NIBAN2: variants seen among roughly 807,000 people sequenced by gnomAD.
NIBAN2 encodes the protein niban apoptosis regulator 2, also known as protein Niban 2.
In NIBAN2, 36 loss-of-function variants were observed where a neutral mutation model predicts 81.8. The ratio of observed to expected loss-of-function variants is 0.44; its 90% CI spans 0.34 to 0.58. The LOEUF is 0.58. Among genes scored for constraint, NIBAN2 ranks in the 20% least tolerant of loss-of-function variants. NIBAN2 has a pLI of 0.02. For missense variants in NIBAN2, 897 were observed against 1,014.1 expected (o/e 0.88, Z 1.57); for synonymous variants, 445 against 441.6 (o/e 1.01, Z -0.10).
chr9:127,565,782 C>G (rs75998821), intron 1 of NIBAN2, among the ~76,000 whole-genome samples: 1 of 70,856 alleles, frequency 1.4e-5, no homozygotes, highest in African/African-American at 6.0e-5. Context: ...GACTCTGTCT[C>G]AAAAAAAAAA....
Position 127,517,419 on chromosome 9 carries a change from C to CAG in NIBAN2, c.706-205_706-204dup, listed in dbSNP as rs1209909050. On this transcript the variant is annotated intron_variant, in intron 6 of 13. Coordinates refer to ENST00000373312, the MANE Select transcript of NIBAN2 (RefSeq NM_022833.4). The surrounding 1 kb of genome is among the most constrained non-coding windows in gnomAD (Gnocchi z 4.0). ...CTGCCTGGGTGTCCTGTAGGATCCT[C>CAG]AGACTCAAGGGCCAGCCCCAGGGCC... 1.3e-5 allele frequency among the ~76,000 whole-genome samples: 2 copies of CAG among 152,220 alleles called. No individual in the cohort carries two copies. Among genetic ancestry groups the CAG allele is most frequent in the African/African-American group, 4.8e-5 (2 of 41,442 alleles).
chr9:127,573,484 G>A (rs577170607), upstream of NIBAN2, among the ~76,000 whole-genome samples: 2 of 145,254 alleles, frequency 1.4e-5, no homozygotes, highest in Admixed American at 1.4e-4. Context: ...AATAAACATA[G>A]TCATCAGCAC....
chr9:127,556,938 G>T (rs966856757), intron 1 of NIBAN2, among the ~76,000 whole-genome samples: 8 of 152,196 alleles, frequency 5.3e-5, no homozygotes, highest in Non-Finnish European at 1.2e-4. Flanking sequence ...TTAGCCCCAT[G>T]TGGTGGTGCA....
At chr9:127,570,891 C>T (rs183596528), upstream of NIBAN2, among the ~76,000 whole-genome samples, 352 of 152,350 alleles carry the variant, frequency 2.3e-3, 4 homozygotes, top group South Asian at 0.032. Flanking sequence ...GGGAAAGTGA[C>T]TTGCTAAGGG....
chr9:127,510,924 A>G (rs1156827431), intron 8 of NIBAN2, among the ~76,000 whole-genome samples: 1 of 152,166 alleles, frequency 6.6e-6, no homozygotes, highest in Non-Finnish European at 1.5e-5. Context: ...GGCTTGTTCC[A>G]TGGGTACATT....
At chr9:127,528,406 C>A (rs1837117364) in intron 2 of NIBAN2, among the ~76,000 whole-genome samples, 1 of 152,144 alleles carries the variant, frequency 6.6e-6, no homozygotes, top group South Asian at 2.1e-4. Context: ...AAATAAGGTG[C>A]CTTTTGCAAA....
chr9:127,578,218 C>CG (rs1838031764), intron 1 of NIBAN2, among the ~76,000 whole-genome samples: 2 of 149,758 alleles, frequency 1.3e-5, no homozygotes, highest in African/African-American at 4.9e-5. Context: ...TTTAGCTGGG[C>CG]GTAGTGGCCT....
intron 2 of NIBAN2, among the ~76,000 whole-genome samples, chr9:127,528,206 G>A (rs1012646001): frequency 1.1e-4 from 17 of 152,212 alleles, no homozygotes; most frequent in African/African-American, 4.1e-4. Flanking sequence ...GATGGGGAAG[G>A]AGAAGGGAGA....
Position 127,507,532 on chromosome 9 carries a change from G to T in NIBAN2, c.1655-101C>A. On this transcript the variant is annotated intron_variant, in intron 13 of 13. Coordinates refer to ENST00000373312, the MANE Select transcript of NIBAN2 (RefSeq NM_022833.4). The surrounding 1 kb of genome is among the most constrained non-coding windows in gnomAD (Gnocchi z 6.8). ...AAGACCCGTCTCATCCCGCCTTGGG[G>T]GTCTGTGGTTGGGATGTGACTCATT... 1 of 1,095,852 alleles carries T rather than the reference G, an allele frequency of 9.1e-7. No individual in the cohort carries two copies. The highest frequency in any genetic ancestry group is 1.3e-6 in the Non-Finnish European group (1 of 782,004). The allele number at this position is 1,095,852 out of a possible 1,614,324, so 67.9% of individuals were successfully genotyped here.
In NIBAN2 at chr9:127,509,779, TCTCCTTCCCTCCTTCCCTCCTCTCCTTCC is replaced by T. The variant is rs1836693284; in HGVS notation, c.1161+338_1161+366del. The T allele has an allele frequency of 7.0e-5, 6 of 85,944 alleles. No homozygotes were observed. In the South Asian group the frequency reaches 1.5e-3, roughly 22 times the overall value. The allele number at this position is 85,944 out of a possible 1,614,324, so 5.3% of individuals were successfully genotyped here. On this transcript the variant is annotated intron_variant, in intron 9 of 13. Transcript: ENST00000373312. ...AAGCCCGCCCTTCCCTCTCCCCTCC[TCTCCTTCCCTCCTTCCCTCCTCTCCTTCC>T]CTCCTTCCCTCCTCTCCTTCCCTCC...
intron 1 of NIBAN2, among the ~76,000 whole-genome samples, chr9:127,546,882 C>T (rs1467478080): frequency 6.6e-6 from 1 of 151,768 alleles, no homozygotes; most frequent in African/African-American, 2.4e-5. Context: ...GTCACAGGAG[C>T]CCAGGAAGGT....
intron 2 of NIBAN2, 90 bp downstream of exon 2, chr9:127,531,558 A>C: frequency 7.6e-7 from 1 of 1,321,620 alleles, no homozygotes. Context: ...TAACAATGGG[A>C]AACTGAGGCC....
intron 1 of NIBAN2, among the ~76,000 whole-genome samples, chr9:127,549,062 T>C (rs1466055303): frequency 6.6e-6 from 1 of 152,182 alleles, no homozygotes; most frequent in Non-Finnish European, 1.5e-5. Context: ...ATGTGTGAGA[T>C]GCACCTGTCA....
At chr9:127,548,915 G>T (rs983994400) in intron 1 of NIBAN2, among the ~76,000 whole-genome samples, 3 of 152,194 alleles carry the variant, frequency 2.0e-5, no homozygotes, top group South Asian at 4.1e-4. Flanking sequence ...TCCCAGCAAG[G>T]GCTTTCTAAC....
upstream of NIBAN2, among the ~76,000 whole-genome samples, chr9:127,573,449 CT>C (rs11394598): frequency 6.2e-5 from 9 of 146,188 alleles, no homozygotes; most frequent in Non-Finnish European, 1.0e-4. Flanking sequence ...GTTATTTGCC[CT>C]TTTTTTTTTT....
chr9:127,577,857 AG>A (rs1316827968), intron 1 of NIBAN2, among the ~76,000 whole-genome samples: 3 of 151,996 alleles, frequency 2.0e-5, no homozygotes, highest in Non-Finnish European at 4.4e-5. Context: ...CTGGGACTAC[AG>A]GCATGCACCA....
chr9:127,517,162 C>G lies in NIBAN2; in HGVS notation c.760G>C (p.Gly254Arg), dbSNP rs757854593. The G allele has an allele frequency of 6.2e-7, 1 of 1,614,042 alleles. No homozygotes were observed. The highest frequency in any genetic ancestry group is 2.2e-5 in the East Asian group (1 of 44,890). Residue 254 changes from glycine to arginine, a missense_variant, in exon 7 of 14, where the codon GGC becomes CGC. By Grantham distance (125) the Gly-to-Arg change is moderately radical. Transcript: ENST00000373312. The surrounding 1 kb of genome is among the most constrained non-coding windows in gnomAD (Gnocchi z 4.0). ...ELGPELKAELGPRLKGKPQER... is the reference protein window; with the variant it reads ...ELGPELKAELRPRLKGKPQER... ...TGCGGTTTCCCCTTCAGCCGCGGGC[C>G]GAGCTCTGCCTTCAGCTCAGGGCCC...
chr9:127,512,744 C>A (rs1836760032), intron 8 of NIBAN2, among the ~76,000 whole-genome samples: 1 of 152,138 alleles, frequency 6.6e-6, no homozygotes, highest in South Asian at 2.1e-4. Context: ...TTAACTGAGA[C>A]CTGCCTCAAA....
Position 127,559,947 on chromosome 9 carries a change from C to T in NIBAN2, c.55+8873G>A, listed in dbSNP as rs1354042828. ...CATCTCACCGACCCTGCACAACAGC[C>T]TCAGGGGCCTGGGATACTGCTGTGT... On this transcript the variant is annotated intron_variant, in intron 1 of 13. Transcript: ENST00000373312. This position sits in a 1 kb window ranked among gnomAD's most constrained non-coding sequence, Gnocchi z 4.0. 6.6e-6 allele frequency among the ~76,000 whole-genome samples: 1 copy of T among 152,206 alleles called. No individual in the cohort carries two copies. The highest frequency in any genetic ancestry group is 6.5e-5 in the Admixed American group (1 of 15,284).
Sources: gnomAD v4.1 joint callset for allele counts (sites outside exome capture counted in the v4.1 genomes callset) on GRCh38, gnomAD v4.1.1 for gene constraint, Gnocchi (gnomAD v3.1) non-coding constraint, MANE v1.5 for transcripts, NCBI Gene and HGNC (gene_info 2026-07-23, HGNC 2026-07-21) for gene names.